The following NPAS2 variants were observed in gnomAD, a reference collection of about 807,000 sequenced individuals.
NPAS2 encodes neuronal PAS domain protein 2, also known as neuronal PAS domain-containing protein 2.
A neutral mutation model predicts 107.5 loss-of-function variants in NPAS2; 23 were observed. The ratio of observed to expected loss-of-function variants is 0.21; its 90% CI spans 0.15 to 0.30. The LOEUF (loss-of-function observed/expected upper bound fraction) is 0.30, where lower values mean the gene tolerates loss of function less well. NPAS2 is among the 10% of genes least tolerant of loss of function. The pLI, the probability that NPAS2 is intolerant of heterozygous loss-of-function variation, is 1.00. For missense variants in NPAS2, 756 were observed against 1,043.3 expected (o/e 0.72, Z 3.79); for synonymous variants, 403 against 417.5 (o/e 0.97, Z 0.42).
intron 18 of NPAS2, 67 bp downstream of exon 18, chr2:100,990,513 T>C: frequency 6.5e-7 from 1 of 1,534,158 alleles, no homozygotes; most frequent in Non-Finnish European, 9.0e-7. Context: ...TCAGCTCTAC[T>C]TTCTGCTTTA....
At chr2:100,840,761 T>C (rs1053125134) in intron 1 of NPAS2, among the ~76,000 whole-genome samples, 2 of 152,080 alleles carry the variant, frequency 1.3e-5, no homozygotes, top group African/African-American at 4.8e-5. Flanking sequence ...TTGAGAACCA[T>C]ATCCATCAGA....
At chr2:100,870,259 T>C (rs1048815703) in intron 1 of NPAS2, among the ~76,000 whole-genome samples, 62 of 152,208 alleles carry the variant, frequency 4.1e-4, no homozygotes, top group Admixed American at 5.9e-4. Flanking sequence ...TCTCTTATTC[T>C]TTTTAGCTGA....
At chr2:100,822,175 G>A (rs1440105981) in intron 1 of NPAS2, among the ~76,000 whole-genome samples, 1 of 152,188 alleles carries the variant, frequency 6.6e-6, no homozygotes, top group African/African-American at 2.4e-5. Flanking sequence ...GGAGGTGAAA[G>A]AAGGAAATAC....
chr2:100,917,298 A>G (rs1472735565), intron 2 of NPAS2, among the ~76,000 whole-genome samples: 38 of 152,276 alleles, frequency 2.5e-4, no homozygotes, highest in Non-Finnish European at 5.9e-5. Context: ...AGGCCAAGGT[A>G]AGGGGATCAT....
chr2:100,953,420 A>G (rs1675367107), intron 7 of NPAS2, among the ~76,000 whole-genome samples: 2 of 151,738 alleles, frequency 1.3e-5, no homozygotes, highest in Middle Eastern at 3.2e-3. Flanking sequence ...AATTGCCAAC[A>G]TTTAACCACC....
chr2:100,829,669 T>G (rs1378875035), intron 1 of NPAS2, among the ~76,000 whole-genome samples: 3 of 152,184 alleles, frequency 2.0e-5, no homozygotes, highest in Non-Finnish European at 2.9e-5. Flanking sequence ...GCCTGATTAC[T>G]CTGACTAGCA....
rs560541726 is a variant in NPAS2, at chr2:100,826,820, C to T, written c.-23+6406C>T. Among the ~76,000 whole-genome samples the T allele has an allele frequency of 2.6e-5, 4 of 152,258 alleles. No homozygotes were observed. In the South Asian group the frequency reaches 6.2e-4, roughly 24 times the overall value. ...CCTCCCCATCTACAGTGTGTAAGGCCGCCTTGTCTCCATATCTTAACTAAC... is the reference window on the plus strand; with the variant it reads ...CCTCCCCATCTACAGTGTGTAAGGCTGCCTTGTCTCCATATCTTAACTAAC... On this transcript the variant is annotated intron_variant, in intron 1 of 20. Coordinates refer to ENST00000335681, the MANE Select transcript of NPAS2 (RefSeq NM_002518.4).
At chr2:100,964,002 G>T in intron 7 of NPAS2, 56 bp from the exon 8 acceptor site, 2 of 1,094,916 alleles carry the variant, frequency 1.8e-6, no homozygotes, top group Non-Finnish European at 2.8e-6. Context: ...ACTAGGGATT[G>T]GCTGCTGTCA....
rs542701941 is a variant in NPAS2, at chr2:100,904,939, A to G, written c.32+153A>G. On this transcript the variant is annotated intron_variant, in intron 2 of 20. Transcript: ENST00000335681. ...TCTCTGTGACATATTGCAGTGCTCCATGAGAAACCTTCTAGAGAGCTCACT... is the reference window on the plus strand; with the variant it reads ...TCTCTGTGACATATTGCAGTGCTCCGTGAGAAACCTTCTAGAGAGCTCACT... 2.6e-5 allele frequency among the ~76,000 whole-genome samples: 4 copies of G among 152,298 alleles called. No individual in the cohort carries two copies. In the South Asian group the frequency reaches 8.3e-4, roughly 32 times the overall value.
At position 100,904,913 on chromosome 2, in the gene NPAS2, C is replaced by T. The variant is rs147399946; in HGVS notation, c.32+127C>T. 6.5e-4 allele frequency: 454 copies of T among 698,152 alleles called. 3 individuals are homozygous for T. The African/African-American group carries it at 7.5e-3, about 12-fold the overall frequency. 43.2% of individuals were successfully genotyped at this position (698,152 alleles called of 1,614,324 possible). On this transcript the variant is annotated intron_variant, in intron 2 of 20. Coordinates refer to ENST00000335681, the MANE Select transcript of NPAS2 (RefSeq NM_002518.4). Reference sequence around the variant, plus strand: ...GCAAGATAGGCAGCTGTAGGACACACTCTCTGTGACATATTGCAGTGCTCC... The same window carrying T: ...GCAAGATAGGCAGCTGTAGGACACATTCTCTGTGACATATTGCAGTGCTCC...
chr2:100,954,479 A>C (rs1327155517), intron 7 of NPAS2, among the ~76,000 whole-genome samples: 1 of 152,174 alleles, frequency 6.6e-6, no homozygotes. Flanking sequence ...AGCCTGGCCA[A>C]CATGGCAAAA....
At chr2:100,825,854 G>T (rs1377655202) in intron 1 of NPAS2, among the ~76,000 whole-genome samples, 1 of 152,208 alleles carries the variant, frequency 6.6e-6, no homozygotes, top group Non-Finnish European at 1.5e-5. Context: ...CACCAGAGGG[G>T]CTGGGCCAGG....
chr2:100,847,430 T>C (rs1028001640), intron 1 of NPAS2, among the ~76,000 whole-genome samples: 20 of 152,034 alleles, frequency 1.3e-4, no homozygotes, highest in African/African-American at 4.3e-4. Flanking sequence ...AGTGCAGTGG[T>C]GTGATCTCAG....
chr2:100,930,877 TTAGTC>T (rs1244503276), intron 3 of NPAS2, among the ~76,000 whole-genome samples: 2 of 152,178 alleles, frequency 1.3e-5, no homozygotes, highest in Admixed American at 1.3e-4. Flanking sequence ...AGAAAAACAG[TTAGTC>T]TATAGTTTGA....
At chr2:100,852,640 G>C (rs1313905103) in intron 1 of NPAS2, among the ~76,000 whole-genome samples, 1 of 152,120 alleles carries the variant, frequency 6.6e-6, no homozygotes, top group African/African-American at 2.4e-5. Context: ...GAGACCACTT[G>C]TGATGGAGCA....
chr2:100,869,997 C>G (rs1417269318), intron 1 of NPAS2, among the ~76,000 whole-genome samples: 1 of 150,794 alleles, frequency 6.6e-6, no homozygotes. Context: ...CTCTGCCTCC[C>G]GGGTTCACGC....
chr2:100,946,315 G>A (rs990704805), intron 5 of NPAS2, among the ~76,000 whole-genome samples: 5 of 152,164 alleles, frequency 3.3e-5, no homozygotes, highest in African/African-American at 1.2e-4. Flanking sequence ...CCATCAAGGG[G>A]GTCATTGTCC....
At chr2:100,920,260 C>G (rs771240987) in intron 2 of NPAS2, among the ~76,000 whole-genome samples, 1 of 152,030 alleles carries the variant, frequency 6.6e-6, no homozygotes, top group Non-Finnish European at 1.5e-5. Flanking sequence ...TTAATAATAA[C>G]GTACAGTGTT....
intron 20 of NPAS2, chr2:100,994,718 A>G (rs1678343288): frequency 6.6e-6 from 1 of 152,300 alleles, no homozygotes; most frequent in Non-Finnish European, 1.5e-5. Context: ...ATGTCCAGGA[A>G]ATGCCCGAAA....
Sources: gnomAD v4.1 joint callset for allele counts (sites outside exome capture counted in the v4.1 genomes callset) on GRCh38, gnomAD v4.1.1 for gene constraint, MANE v1.5 for transcripts, NCBI Gene and HGNC (gene_info 2026-07-23, HGNC 2026-07-21) for gene names.